The following DIP2C variants were observed in gnomAD, a reference collection of about 807,000 sequenced individuals.
The protein encoded by DIP2C is disco-interacting protein 2 homolog C.
Under a neutral mutation model 192.4 loss-of-function variants are expected in DIP2C, and 33 were observed. That is an observed-to-expected ratio of 0.17 (90% confidence interval 0.13 to 0.23). DIP2C has a LOEUF of 0.23. DIP2C is among the 10% of genes least tolerant of loss of function. DIP2C has a pLI of 1.00. For synonymous variants in DIP2C, 979 were observed against 864.1 expected, an observed-to-expected ratio of 1.13 and a Z score of -2.33; for missense variants, 1,537 against 2,110.1, an observed-to-expected ratio of 0.73 and a Z score of 5.32.
intron 1 of DIP2C, among the ~76,000 whole-genome samples, chr10:606,035 C>T (rs1010761339): frequency 5.9e-5 from 9 of 152,240 alleles, no homozygotes; most frequent in African/African-American, 2.2e-4. Flanking sequence ...CGCCGGGGTC[C>T]GACTGTGCAA....
chr10:324,287 C>A (rs1363644850), intron 31 of DIP2C, among the ~76,000 whole-genome samples: 2 of 152,182 alleles, frequency 1.3e-5, no homozygotes, highest in East Asian at 3.9e-4. Flanking sequence ...CCCTTCAAGT[C>A]TGGGGCCCCC....
At chr10:569,082 G>A (rs557068451) in intron 1 of DIP2C, among the ~76,000 whole-genome samples, 11 of 152,242 alleles carry the variant, frequency 7.2e-5, no homozygotes, top group African/African-American at 1.4e-4. Context: ...GGTAAGGTGC[G>A]GTCAAGGGTC....
intron 2 of DIP2C, among the ~76,000 whole-genome samples, chr10:474,640 A>G (rs1247772118): frequency 6.6e-6 from 1 of 152,278 alleles, no homozygotes; most frequent in South Asian, 2.1e-4. Context: ...CTAAAGGAGC[A>G]CCTTGAATGT....
chr10:507,013 G>A (rs370279237), intron 1 of DIP2C, among the ~76,000 whole-genome samples: 5 of 150,960 alleles, frequency 3.3e-5, no homozygotes, highest in Admixed American at 6.6e-5. Flanking sequence ...CACTGTGCAC[G>A]ATAAGAGGTG....
At chr10:612,026 TG>T (rs965349836) in intron 1 of DIP2C, among the ~76,000 whole-genome samples, 1 of 152,164 alleles carries the variant, frequency 6.6e-6, no homozygotes, top group African/African-American at 2.4e-5. Flanking sequence ...ACGGGTGCGG[TG>T]GCTCACGCCT....
intron 17 of DIP2C, among the ~76,000 whole-genome samples, chr10:381,651 C>G (rs1042460294): frequency 1.3e-5 from 2 of 152,208 alleles, no homozygotes; most frequent in Non-Finnish European, 2.9e-5. Flanking sequence ...ACGTCCTGCT[C>G]TTGTTATTTC....
At chr10:517,864 G>A (rs1846457344) in intron 1 of DIP2C, among the ~76,000 whole-genome samples, 1 of 151,582 alleles carries the variant, frequency 6.6e-6, no homozygotes, top group Admixed American at 6.6e-5. Context: ...TAACCCTCAG[G>A]CATTGTCTAA....
rs1203515501 is a variant in DIP2C at position 393,826 on chromosome 10, GA to G, written c.1261-2964del. Among the ~76,000 whole-genome samples the G allele has an allele frequency of 4.1e-3, 453 of 110,614 alleles. 3 individuals are homozygous for G. The highest frequency in any genetic ancestry group is 0.028 in the South Asian group (91 of 3,268). The allele number at this position is 110,614 out of a possible 152,430, so 72.6% of individuals were successfully genotyped here. On this transcript the variant is annotated intron_variant, in intron 10 of 36. Coordinates refer to ENST00000280886, the MANE Select transcript of DIP2C (RefSeq NM_014974.3). ...AAAAAAGAAAAAGAAAAAGGAAAAG[GA>G]AAAAAAAAAAAAACAACCCACAAGG...
At chr10:542,343 C>T (rs1848043378) in intron 1 of DIP2C, among the ~76,000 whole-genome samples, 1 of 152,182 alleles carries the variant, frequency 6.6e-6, no homozygotes, top group Non-Finnish European at 1.5e-5. Context: ...ATGTCTTCTC[C>T]TCCTCTCCTG....
intron 1 of DIP2C, among the ~76,000 whole-genome samples, chr10:537,867 G>A (rs1847779677): frequency 6.6e-6 from 1 of 150,512 alleles, no homozygotes; most frequent in Admixed American, 6.6e-5. Context: ...TCGGCTCACT[G>A]CAGCCTCCAC....
intron 24 of DIP2C, among the ~76,000 whole-genome samples, chr10:354,196 T>C (rs1399633745): frequency 6.6e-6 from 1 of 152,210 alleles, no homozygotes; most frequent in Admixed American, 6.5e-5. Flanking sequence ...AGTCCTAAGG[T>C]AAATCACTCA....
chr10:387,078 G>A (rs552526809), intron 14 of DIP2C, among the ~76,000 whole-genome samples: 6 of 152,222 alleles, frequency 3.9e-5, no homozygotes, highest in South Asian at 2.1e-4. Flanking sequence ...AGGCCCCACC[G>A]ACTCAACAAA....
chr10:386,670 C>G (rs1962954859), intron 14 of DIP2C, among the ~76,000 whole-genome samples: 1 of 152,240 alleles, frequency 6.6e-6, no homozygotes, highest in Non-Finnish European at 1.5e-5. Context: ...TGCTTGCCGG[C>G]TCCTCTTCAC....
chr10:364,279 A>G (rs1247711120), intron 20 of DIP2C, 95 bp downstream of exon 20: 112 of 1,412,902 alleles, frequency 7.9e-5, no homozygotes, highest in Non-Finnish European at 1.0e-4. Flanking sequence ...GACACAATAC[A>G]TTTAAGGAAA....
At chr10:414,890 G>A (rs200353343) in intron 7 of DIP2C, among the ~76,000 whole-genome samples, 3,429 of 35,902 alleles carry the variant, frequency 0.096, 82 homozygotes, top group Middle Eastern at 0.2. Context: ...GTGTGTGTGT[G>A]TATATATATA....
At chr10:482,665 C>A (rs1408355412) in intron 2 of DIP2C, among the ~76,000 whole-genome samples, 1 of 152,226 alleles carries the variant, frequency 6.6e-6, no homozygotes, top group African/African-American at 2.4e-5. Context: ...GGAGCTGTAT[C>A]TGAGCAAAGA....
At chr10:280,880 G>A (rs1954786022) in intron 36 of DIP2C, among the ~76,000 whole-genome samples, 1 of 152,280 alleles carries the variant, frequency 6.6e-6, no homozygotes, top group South Asian at 2.1e-4. Flanking sequence ...GCCTACATAT[G>A]TGTGAGGTTT....
In DIP2C at chr10:445,790, T is replaced by C. The variant is rs367642240; in HGVS notation, c.269-4794A>G. The stretch of plus-strand genomic sequence containing the variant: ...ACCACTGGGCATCTCTATACATCTG[T>C]TGTGAAGAGTCTCACGGTCCACTGG... On this transcript the variant is annotated intron_variant, in intron 3 of 36. Transcript: ENST00000280886. Among the ~76,000 whole-genome samples, 40 of 152,170 alleles carry C rather than the reference T, an allele frequency of 2.6e-4. No individual in the cohort carries two copies. In the East Asian group the frequency reaches 7.3e-3, roughly 28 times the overall value.
chr10:375,327 C>T (rs1005299191), intron 17 of DIP2C, among the ~76,000 whole-genome samples: 1 of 152,208 alleles, frequency 6.6e-6, no homozygotes, highest in African/African-American at 2.4e-5. Flanking sequence ...TCCCACTTTG[C>T]CTTCTGCCAT....
Sources: allele counts gnomAD v4.1 joint callset (sites outside exome capture counted in the v4.1 genomes callset), GRCh38; gene constraint gnomAD v4.1.1; transcripts MANE v1.5; gene names NCBI Gene and HGNC (gene_info 2026-07-23, HGNC 2026-07-21).